Variants in EXOC3L2 observed in about 807,000 individuals in gnomAD.
The protein encoded by EXOC3L2 is exocyst complex component 3 like 2, also known as exocyst complex component 3-like protein 2.
In EXOC3L2, 17 loss-of-function variants were observed where a neutral mutation model predicts 44.4. The ratio of observed to expected loss-of-function variants is 0.38; its 90% CI spans 0.26 to 0.57. The LOEUF (loss-of-function observed/expected upper bound fraction) is 0.57, where lower values mean the gene tolerates loss of function less well. EXOC3L2 is among the 20% of genes least tolerant of loss of function. EXOC3L2 has a pLI of 0.65. For synonymous variants in EXOC3L2, 256 were observed against 253.7 expected, an observed-to-expected ratio of 1.01 and a Z score of -0.09; for missense variants, 541 against 588.4, an observed-to-expected ratio of 0.92 and a Z score of 0.83.
At position 45,216,100 on chromosome 19, in the gene EXOC3L2, A is replaced by C. The variant is rs1264641268; in HGVS notation, c.2093T>G (p.Val698Gly). The C allele has an allele frequency of 6.2e-7, 1 of 1,611,818 alleles. No homozygotes were observed. Among genetic ancestry groups the C allele is most frequent in the Non-Finnish European group, 8.5e-7 (1 of 1,179,432 alleles). ...GATGTCTGGGTAGTCGCGCACCAAC[A>C]CTCCCACCTCCACCTGGATGCTGGG... ...DTPSIQVEVG[V>G]LVRDYPDIRQ... is the part of the protein sequence containing the mutation. Residue 698 changes from valine to glycine, a missense_variant, in exon 11 of 12, where the codon GTG becomes GGG. Coordinates refer to ENST00000413988, the MANE Select transcript of EXOC3L2 (RefSeq NM_001382422.1).
chr19:45,229,716 A>G (rs941041162), intron 4 of EXOC3L2, among the ~76,000 whole-genome samples: 7 of 149,616 alleles, frequency 4.7e-5, no homozygotes, highest in African/African-American at 1.5e-4. Flanking sequence ...ATGGTGGCGC[A>G]TGCCTGTAAT....
At chr19:45,227,337 G>A (rs940168324) in intron 7 of EXOC3L2, among the ~76,000 whole-genome samples, 3 of 151,448 alleles carry the variant, frequency 2.0e-5, no homozygotes, top group Admixed American at 2.0e-4. Flanking sequence ...TAGCCAGGAT[G>A]GTCTCGATCT....
chr19:45,218,434 A>G, intron 8 of EXOC3L2, 115 bp from the exon 9 acceptor site: 1 of 1,289,400 alleles, frequency 7.8e-7, no homozygotes, highest in Non-Finnish European at 1.0e-6. Context: ...CGGTGCTGGG[A>G]ACACAAGGGG....
chr19:45,213,448 T>C, intron 11 of EXOC3L2, 91 bp from the exon 12 acceptor site: 1 of 1,507,422 alleles, frequency 6.6e-7, no homozygotes, highest in Non-Finnish European at 8.9e-7. Flanking sequence ...CCCCCTCACC[T>C]ATCCCAGAAA....
At chr19:45,225,434 A>G (rs1280111492) in intron 7 of EXOC3L2, among the ~76,000 whole-genome samples, 1 of 151,320 alleles carries the variant, frequency 6.6e-6, no homozygotes, top group Admixed American at 6.6e-5. Flanking sequence ...ACACCCAGCT[A>G]ATTTTTTGTA....
At chr19:45,240,287 ATTTATTT>A (rs1555758204) in intron 1 of EXOC3L2, among the ~76,000 whole-genome samples, 9 of 150,866 alleles carry the variant, frequency 6.0e-5, no homozygotes, top group South Asian at 2.1e-4. Flanking sequence ...TAATTAATTT[ATTTATTT>A]ATTTATTGAG....
chr19:45,235,554 G>T (rs371789191), intron 2 of EXOC3L2, among the ~76,000 whole-genome samples: 64 of 152,176 alleles, frequency 4.2e-4, no homozygotes, highest in African/African-American at 1.5e-3. Flanking sequence ...GCTGTGGGCT[G>T]ATCTGGCCCT....
chr19:45,245,203 TTCTC>T (rs1482282191), intron 1 of EXOC3L2, 134 bp downstream of exon 1: 1 of 152,014 alleles, frequency 6.6e-6, no homozygotes, highest in Non-Finnish European at 1.5e-5. Flanking sequence ...AGGCCCCAGA[TTCTC>T]TCTTTGCCCC....
chr19:45,214,697 T>C (rs1288666370), intron 11 of EXOC3L2, among the ~76,000 whole-genome samples: 1 of 151,830 alleles, frequency 6.6e-6, no homozygotes, highest in African/African-American at 2.4e-5. Flanking sequence ...ACTCCTGACC[T>C]CAGGTGATCC....
intron 1 of EXOC3L2, among the ~76,000 whole-genome samples, chr19:45,244,735 A>C (rs1429433413): frequency 1.3e-5 from 2 of 151,882 alleles, no homozygotes; most frequent in East Asian, 3.9e-4. Context: ...GGAATCCATC[A>C]CCTCCAACGC....
At chr19:45,243,019 A>G (rs1970142855) in intron 1 of EXOC3L2, among the ~76,000 whole-genome samples, 1 of 152,110 alleles carries the variant, frequency 6.6e-6, no homozygotes, top group Admixed American at 6.6e-5. Flanking sequence ...TGCTCCATAG[A>G]CTTGTATCCA....
rs771544428 is a variant in EXOC3L2 at position 45,216,092 on chromosome 19, G to A, written c.2101C>T (p.Arg701Cys). Residue 701 changes from arginine (R) to cysteine (C), a missense_variant, in exon 11 of 12, where the codon CGC becomes TGC. Coordinates refer to ENST00000413988, the MANE Select transcript of EXOC3L2 (RefSeq NM_001382422.1). ...TCTCACCTGATGTCTGGGTAGTCGC[G>A]CACCAACACTCCCACCTCCACCTGG... ...SIQVEVGVLV[R>C]DYPDIRQKHV... 6.2e-6 allele frequency: 10 copies of A among 1,613,668 alleles called. No homozygotes were observed. The highest frequency in any genetic ancestry group is 4.0e-5 in the African/African-American group (3 of 74,826).
At chr19:45,229,941 CACAA>C (rs1447157376) in intron 4 of EXOC3L2, among the ~76,000 whole-genome samples, 2 of 148,466 alleles carry the variant, frequency 1.3e-5, no homozygotes, top group African/African-American at 4.9e-5. Context: ...AATATGTATA[CACAA>C]ATAATGTATA....
chr19:45,244,149 G>C (rs1273888454), intron 1 of EXOC3L2, among the ~76,000 whole-genome samples: 1 of 150,884 alleles, frequency 6.6e-6, no homozygotes, highest in Non-Finnish European at 1.5e-5. Flanking sequence ...GTCAACTCCT[G>C]AGTTCAAGCG....
intron 8 of EXOC3L2, 135 bp from the exon 9 acceptor site, chr19:45,218,454 C>T (rs1969862661): frequency 1.6e-5 from 19 of 1,206,162 alleles, no homozygotes; most frequent in Admixed American, 3.0e-5. Flanking sequence ...GAAGAGATAG[C>T]CCCAGCCCTG....
chr19:45,244,146 C>T (rs1323409486), intron 1 of EXOC3L2, among the ~76,000 whole-genome samples: 1 of 151,876 alleles, frequency 6.6e-6, no homozygotes, highest in African/African-American at 2.4e-5. Flanking sequence ...TTGGTCAACT[C>T]CTGAGTTCAA....
chr19:45,221,217 T>G (rs374574988), intron 8 of EXOC3L2, among the ~76,000 whole-genome samples: 64 of 151,738 alleles, frequency 4.2e-4, no homozygotes, highest in African/African-American at 1.5e-3. Flanking sequence ...TGTGGTTTTT[T>G]TTTTTTGAAA....
intron 10 of EXOC3L2, 47 bp from the exon 11 acceptor site, chr19:45,216,241 C>T: frequency 1.3e-6 from 2 of 1,598,754 alleles, no homozygotes; most frequent in Non-Finnish European, 8.5e-7. Context: ...AAGATTGACC[C>T]TGCCAATTCC....
chr19:45,226,869 C>T (rs1969968295), intron 7 of EXOC3L2, among the ~76,000 whole-genome samples: 1 of 150,474 alleles, frequency 6.6e-6, no homozygotes, highest in Non-Finnish European at 1.5e-5. Flanking sequence ...TCTCCTGCCT[C>T]AGCCTTCGGA....
Sources: allele counts gnomAD v4.1 joint callset (sites outside exome capture counted in the v4.1 genomes callset), GRCh38; gene constraint gnomAD v4.1.1; transcripts MANE v1.5; gene names NCBI Gene and HGNC (gene_info 2026-07-23, HGNC 2026-07-21).